NAV2: variants seen among roughly 807,000 people sequenced by gnomAD.
NAV2 encodes helicase, APC down-regulated 1.
Under a neutral mutation model 223.2 loss-of-function variants are expected in NAV2, and 54 were observed. That is an observed-to-expected ratio of 0.24 (90% CI 0.19 to 0.30). The LOEUF is 0.30. Ranked by LOEUF, NAV2 falls within the 10% of genes least tolerant of loss-of-function variation. The probability of loss-of-function intolerance (pLI) is 1.00; values close to 1 mark genes in which losing one functional copy is unlikely to be tolerated. For synonymous variants in NAV2, 1,279 were observed against 1,239.3 expected (o/e 1.03, Z -0.67); for missense variants, 2,806 against 3,147.5 (o/e 0.89, Z 2.60).
At chr11:19,910,584 C>T (rs554416265) in intron 6 of NAV2, among the ~76,000 whole-genome samples, 5 of 152,310 alleles carry the variant, frequency 3.3e-5, no homozygotes, top group East Asian at 1.9e-4. Flanking sequence ...ACTAGCCAGG[C>T]GCGGTGGCTT....
chr11:19,529,713 A>T (rs1450857231), intron 1 of NAV2, among the ~76,000 whole-genome samples: 1 of 152,100 alleles, frequency 6.6e-6, no homozygotes, highest in Non-Finnish European at 1.5e-5. Flanking sequence ...GAAGTTGCTG[A>T]GGGAATAGGA....
chr11:19,457,220 G>A (rs1191293575), intron 1 of NAV2, among the ~76,000 whole-genome samples: 1 of 152,138 alleles, frequency 6.6e-6, no homozygotes, highest in Non-Finnish European at 1.5e-5. Flanking sequence ...TCATTTTAAG[G>A]AAGTAATGAT....
chr11:20,089,459 C>G (rs1324329198), intron 26 of NAV2, among the ~76,000 whole-genome samples: 1 of 152,180 alleles, frequency 6.6e-6, no homozygotes, highest in Non-Finnish European at 1.5e-5. Context: ...CACCCTCACC[C>G]AGTTTTACAG....
chr11:20,001,588 A>G (rs987163213), intron 11 of NAV2, among the ~76,000 whole-genome samples: 2 of 150,528 alleles, frequency 1.3e-5, no homozygotes, highest in African/African-American at 4.9e-5. Context: ...GGTGACACAG[A>G]GTAGGTCTTC....
At chr11:19,516,716 C>A (rs190186708) in intron 1 of NAV2, among the ~76,000 whole-genome samples, 1 of 152,124 alleles carries the variant, frequency 6.6e-6, no homozygotes, top group African/African-American at 2.4e-5. Flanking sequence ...GAAATGAGGA[C>A]GGCAATAAAG....
intron 1 of NAV2, among the ~76,000 whole-genome samples, chr11:19,520,411 G>A (rs1040292230): frequency 2.6e-5 from 4 of 152,216 alleles, no homozygotes; most frequent in African/African-American, 7.2e-5. Flanking sequence ...GGCAAAATCC[G>A]CCCCGTGGCC....
At chr11:19,428,056 T>C (rs1003359182) in intron 1 of NAV2, among the ~76,000 whole-genome samples, 2 of 152,164 alleles carry the variant, frequency 1.3e-5, no homozygotes, top group African/African-American at 4.8e-5. Context: ...TAGAAAGAAC[T>C]TCTTTACCCT....
chr11:19,580,744 C>A (rs538539150), intron 1 of NAV2, among the ~76,000 whole-genome samples: 5 of 152,184 alleles, frequency 3.3e-5, no homozygotes, highest in African/African-American at 1.2e-4. Flanking sequence ...ACCGCATAGA[C>A]CTTCTTGAAC....
chr11:19,724,713 G>A (rs1417094230), intron 1 of NAV2, among the ~76,000 whole-genome samples: 1 of 152,204 alleles, frequency 6.6e-6, no homozygotes, highest in Non-Finnish European at 1.5e-5. Context: ...CCCATTCTAT[G>A]TATGAGGCTC....
At chr11:19,929,534 A>G (rs900112893) in intron 6 of NAV2, among the ~76,000 whole-genome samples, 6 of 152,136 alleles carry the variant, frequency 3.9e-5, no homozygotes, top group African/African-American at 1.4e-4. Context: ...AATCATACCC[A>G]GGTGCTACCT....
intron 10 of NAV2, among the ~76,000 whole-genome samples, chr11:19,974,388 C>T (rs901782564): frequency 2.0e-5 from 3 of 152,166 alleles, no homozygotes; most frequent in Non-Finnish European, 2.9e-5. Context: ...GTATCAAAAT[C>T]AGTAGAGCTG....
intron 1 of NAV2, among the ~76,000 whole-genome samples, chr11:19,476,749 GC>G (rs1046347141): frequency 2.6e-5 from 4 of 152,186 alleles, no homozygotes; most frequent in Non-Finnish European, 5.9e-5. Flanking sequence ...ATTTCATGGA[GC>G]CTCTTGGGAC....
intron 1 of NAV2, among the ~76,000 whole-genome samples, chr11:19,734,407 G>T (rs147755391): frequency 5.4e-4 from 82 of 152,302 alleles, no homozygotes; most frequent in African/African-American, 1.9e-3. Context: ...ACACTGGATG[G>T]GTTAGTTTTG....
intron 1 of NAV2, among the ~76,000 whole-genome samples, chr11:19,801,466 C>G (rs1053663985): frequency 2.4e-4 from 37 of 152,240 alleles, no homozygotes; most frequent in Admixed American, 3.9e-4. Context: ...CTCACTGCCT[C>G]CCACTTTCCT....
intron 1 of NAV2, among the ~76,000 whole-genome samples, chr11:19,662,131 G>T (rs2048300107): frequency 6.6e-6 from 1 of 152,190 alleles, no homozygotes; most frequent in Non-Finnish European, 1.5e-5. Context: ...TTTTAAAAAT[G>T]TGTGAAGAGG....
At chr11:20,023,880 T>C (rs2080119554) in intron 11 of NAV2, among the ~76,000 whole-genome samples, 1 of 152,174 alleles carries the variant, frequency 6.6e-6, no homozygotes, top group African/African-American at 2.4e-5. Flanking sequence ...CATGACCACC[T>C]ACCACATGCC....
chr11:19,676,086 G>C (rs1459084908), intron 1 of NAV2, among the ~76,000 whole-genome samples: 1 of 152,102 alleles, frequency 6.6e-6, no homozygotes, highest in Non-Finnish European at 1.5e-5. Context: ...GCCTTGTTCT[G>C]GCACATCAGA....
intron 3 of NAV2, among the ~76,000 whole-genome samples, chr11:19,851,735 G>T (rs2061147645): frequency 6.6e-6 from 1 of 152,222 alleles, no homozygotes; most frequent in South Asian, 2.1e-4. Context: ...TAGCTGAACA[G>T]TGTCAACCCA....
At chr11:19,800,545 T>G (rs1327816139) in intron 1 of NAV2, among the ~76,000 whole-genome samples, 1 of 152,204 alleles carries the variant, frequency 6.6e-6, no homozygotes, top group Admixed American at 6.5e-5. Flanking sequence ...CAAATCATGT[T>G]GCTCTGAAAA....
Sources: allele counts gnomAD v4.1 joint callset (sites outside exome capture counted in the v4.1 genomes callset), GRCh38; gene constraint gnomAD v4.1.1; transcripts MANE v1.5; gene names NCBI Gene and HGNC (gene_info 2026-07-23, HGNC 2026-07-21).